The following FRMPD4 variants were observed in gnomAD, a reference collection of about 807,000 sequenced individuals.
FRMPD4 encodes the protein FERM and PDZ domain containing 4, also known as FERM and PDZ domain-containing protein 4.
A neutral mutation model predicts 94.1 loss-of-function variants in FRMPD4; 22 were observed. The ratio of observed to expected loss-of-function variants is 0.23; its 90% confidence interval spans 0.17 to 0.33. The LOEUF (loss-of-function observed/expected upper bound fraction) is 0.33. Ranked by LOEUF, FRMPD4 falls within the 10% of genes least tolerant of loss-of-function variation. The pLI, the probability that FRMPD4 is intolerant of heterozygous loss-of-function variation, is 1.00. For missense variants in FRMPD4, 1,111 were observed against 1,339.9 expected (o/e 0.83, Z 2.67); for synonymous variants, 631 against 548.6 (o/e 1.15, Z -2.10).
At chrX:12,173,326 T>A (rs1001085197) in intron 1 of FRMPD4, among the ~76,000 whole-genome samples, 8 of 112,627 alleles carry the variant, frequency 7.1e-5, no homozygotes, top group African/African-American at 2.6e-4. Context: ...CATCACAGCC[T>A]CCTTGTAACC....
chrX:12,219,098 G>A (rs1238747806), intron 1 of FRMPD4, among the ~76,000 whole-genome samples: 10 of 112,037 alleles, frequency 8.9e-5, no homozygotes, highest in Non-Finnish European at 1.9e-4. Context: ...GCTGGGCACC[G>A]TGGCTCAGGC....
intron 1 of FRMPD4, among the ~76,000 whole-genome samples, chrX:12,477,996 C>T (rs2057625296): frequency 8.9e-6 from 1 of 112,034 alleles, no homozygotes; most frequent in South Asian, 3.7e-4. Flanking sequence ...AGCACTCAAC[C>T]GCCTGTGGCA....
intron 1 of FRMPD4, among the ~76,000 whole-genome samples, chrX:11,854,872 C>A (rs2053645320): frequency 9.0e-6 from 1 of 111,668 alleles, no homozygotes; most frequent in Non-Finnish European, 1.9e-5. Flanking sequence ...AGGACGATGG[C>A]CTTCTTCTCA....
Position 12,721,474 on chromosome X carries a change from C to G in FRMPD4, c.4905C>G (p.Tyr1635Ter). 1 of 754,841 alleles carries G rather than the reference C, an allele frequency of 1.3e-6. No homozygotes were observed. Among genetic ancestry groups the G allele is most frequent in the Non-Finnish European group, 1.6e-6 (1 of 638,431 alleles). 62.2% of individuals were successfully genotyped at this position (754,841 alleles called of 1,213,427 possible). A position where few individuals can be genotyped will look rare whatever the true frequency, so the allele number is the denominator to read the frequency against. ...EKREESRPEA[Y>*]DLTLSQYKQL... ...GGGAGGAGTCACGCCCTGAAGCGTA[C>G]GACCTTACACTTTCTCAGTACAAGC... Residue 1635 changes from tyrosine (Y) to a stop codon, truncating the protein, a stop_gained, in exon 17 of 17, where the codon TAC becomes TAG. Coordinates refer to ENST00000675598, the MANE Select transcript of FRMPD4 (RefSeq NM_001368397.1). LOFTEE classifies it high-confidence loss of function.
chrX:12,128,401 C>T (rs1238671915), intron 3 of FRMPD4, among the ~76,000 whole-genome samples: 4 of 112,276 alleles, frequency 3.6e-5, no homozygotes, highest in Non-Finnish European at 7.5e-5. Flanking sequence ...ATGGCTGGAG[C>T]TGAAGCAGCT....
chrX:12,626,543 A>C (rs915004298), intron 4 of FRMPD4, among the ~76,000 whole-genome samples: 2 of 103,212 alleles, frequency 1.9e-5, no homozygotes, highest in African/African-American at 7.1e-5. Context: ...ACCATGTGGC[A>C]CATTAAGTTT....
chrX:12,488,215 T>A (rs1434557091), intron 1 of FRMPD4, among the ~76,000 whole-genome samples: 3 of 111,970 alleles, frequency 2.7e-5, no homozygotes, highest in Non-Finnish European at 5.6e-5. Flanking sequence ...AACATGTTTT[T>A]GATAGAAAAT....
At chrX:12,687,853 C>T (rs1031211077) in intron 7 of FRMPD4, among the ~76,000 whole-genome samples, 10 of 111,781 alleles carry the variant, frequency 8.9e-5, no homozygotes, top group East Asian at 2.8e-4. Context: ...GGGTTTTCCA[C>T]GTAGACACAG....
intron 1 of FRMPD4, among the ~76,000 whole-genome samples, chrX:12,159,806 G>C (rs982183280): frequency 2.7e-5 from 3 of 112,087 alleles, no homozygotes; most frequent in Non-Finnish European, 5.6e-5. Flanking sequence ...TAAAAGATAA[G>C]AAGCTAATAA....
chrX:11,881,180 C>T (rs1320144942), intron 3 of FRMPD4, among the ~76,000 whole-genome samples: 1 of 112,419 alleles, frequency 8.9e-6, no homozygotes, highest in East Asian at 2.8e-4. Flanking sequence ...AACTGGAACT[C>T]TCATACATTG....
intron 3 of FRMPD4, among the ~76,000 whole-genome samples, chrX:12,066,398 T>C (rs975880963): frequency 8.9e-6 from 1 of 111,967 alleles, no homozygotes; most frequent in Non-Finnish European, 1.9e-5. Flanking sequence ...ACCCTTGAAA[T>C]TTAACTTCCC....
At chrX:12,214,528 TAAAG>T (rs1876789638) in intron 1 of FRMPD4, among the ~76,000 whole-genome samples, 1 of 112,692 alleles carries the variant, frequency 8.9e-6, no homozygotes. Context: ...GAAACCTAAA[TAAAG>T]AGTGAAAAGA....
chrX:12,107,182 G>A (rs997007798), intron 3 of FRMPD4, among the ~76,000 whole-genome samples: 26 of 111,734 alleles, frequency 2.3e-4, no homozygotes, highest in African/African-American at 8.1e-4. Context: ...ACATGGCCGG[G>A]TACCCCTCTA....
intron 3 of FRMPD4, among the ~76,000 whole-genome samples, chrX:11,954,906 A>T (rs1218003500): frequency 9.0e-6 from 1 of 111,116 alleles, no homozygotes; most frequent in African/African-American, 3.3e-5. Flanking sequence ...CCCCTTCAAA[A>T]AAAAACCAGT....
At chrX:11,854,253 C>T (rs5978470) in intron 1 of FRMPD4, among the ~76,000 whole-genome samples, 31,297 of 110,370 alleles carry the variant, frequency 0.28, 3,360 homozygotes, top group Middle Eastern at 0.36. Flanking sequence ...TGGTCCCTCC[C>T]TCAACACAAG....
chrX:12,555,335 TTTTG>T (rs1017849504), intron 2 of FRMPD4, among the ~76,000 whole-genome samples: 1 of 111,684 alleles, frequency 9.0e-6, no homozygotes, highest in Non-Finnish European at 1.9e-5. Flanking sequence ...TCTCCTGCTT[TTTTG>T]TTTAAGTTGG....
chrX:11,897,519 G>T (rs1347626764), intron 3 of FRMPD4, among the ~76,000 whole-genome samples: 1 of 112,114 alleles, frequency 8.9e-6, no homozygotes, highest in East Asian at 2.8e-4. Flanking sequence ...GGCCCTCATT[G>T]TATTATTCTC....
intron 1 of FRMPD4, among the ~76,000 whole-genome samples, chrX:12,171,557 A>G (rs1019037369): frequency 9.0e-6 from 1 of 111,380 alleles, no homozygotes; most frequent in African/African-American, 3.3e-5. Context: ...TTGGAGGGCT[A>G]CCTTACAACT....
rs191396350 is a variant in FRMPD4, at chrX:11,878,240, T to C, written c.95+222T>C. ...TATTGGAGGCAAGGCATGAATATCC[T>C]GTAAAACAGAAGGACAAAGCCGTAT... On this transcript the variant is annotated intron_variant, in intron 3 of 18. Coordinates refer to the FRMPD4 transcript ENST00000640291. 4.4e-5 allele frequency among the ~76,000 whole-genome samples: 5 copies of C among 112,413 alleles called. No homozygotes were observed. In the East Asian group the frequency reaches 8.4e-4, roughly 19 times the overall value.
Sources: allele counts gnomAD v4.1 joint callset (sites outside exome capture counted in the v4.1 genomes callset), GRCh38; gene constraint gnomAD v4.1.1; transcripts MANE v1.5; gene names NCBI Gene and HGNC (gene_info 2026-07-23, HGNC 2026-07-21).